Variants in CFAP161 observed in about 807,000 individuals in gnomAD.
The protein encoded by CFAP161 is cilia and flagella associated protein 161, also known as cilia- and flagella-associated protein 161.
CFAP161 carries 25 observed loss-of-function variants against 29.0 expected under a neutral mutation model. That is an observed-to-expected ratio of 0.86 (90% CI 0.63 to 1.20). The LOEUF (loss-of-function observed/expected upper bound fraction) is 1.20. Among genes scored for constraint, CFAP161 ranks in the 50% most tolerant of loss-of-function variants. The pLI, the probability that CFAP161 is intolerant of heterozygous loss-of-function variation, is 0.00. For synonymous variants in CFAP161, 116 were observed against 137.4 expected, an observed-to-expected ratio of 0.84 and a Z score of 1.09; for missense variants, 367 against 371.9, an observed-to-expected ratio of 0.99 and a Z score of 0.11.
intron 1 of CFAP161, among the ~76,000 whole-genome samples, chr15:81,122,023 A>G (rs1001177709): frequency 6.6e-6 from 1 of 152,318 alleles, no homozygotes; most frequent in Admixed American, 6.5e-5. Flanking sequence ...AGCTCCACCC[A>G]TGTCCCTGCA....
intron 4 of CFAP161, among the ~76,000 whole-genome samples, chr15:81,138,998 A>G (rs1894859807): frequency 6.6e-6 from 1 of 152,166 alleles, no homozygotes; most frequent in Non-Finnish European, 1.5e-5. Flanking sequence ...TTTTGATACC[A>G]CTAAGAAAAC....
chr15:81,116,782 T>A (rs965399311), intron 1 of CFAP161, among the ~76,000 whole-genome samples: 27 of 152,154 alleles, frequency 1.8e-4, no homozygotes, highest in Non-Finnish European at 8.8e-5. Flanking sequence ...CTTGTAGGGC[T>A]TTAGGAATAG....
intron 1 of CFAP161, chr15:81,117,681 T>C (rs560199039): frequency 3.5e-6 from 1 of 289,096 alleles, no homozygotes; most frequent in East Asian, 1.2e-4. Context: ...GTTTTCACCT[T>C]TTCCGCTTTC....
chr15:81,132,880 G>A (rs189033070), upstream of CFAP161, among the ~76,000 whole-genome samples: 357 of 152,188 alleles, frequency 2.3e-3, 2 homozygotes, highest in Middle Eastern at 3.4e-3. Context: ...GCTTCTTTGA[G>A]TCTCAGTTTC....
chr15:81,147,829 C>A, intron 5 of CFAP161, 29 bp from the exon 6 acceptor site: 2 of 1,519,518 alleles, frequency 1.3e-6, no homozygotes, highest in Non-Finnish European at 1.8e-6. Context: ...GTTTAGAATG[C>A]TAATAACACA....
Position 81,143,693 on chromosome 15 carries a change from T to G in CFAP161, c.509T>G (p.Leu170Arg). ...LYLSSDHRTL[L>R]KSSKRSWLQE... is the part of the protein sequence containing the mutation. The stretch of plus-strand genomic sequence containing the variant: ...TTGTCAAGTGACCACAGGACCCTCC[T>G]GAAATCGTCTAAGAGGTCTTGGCTC... Residue 170 changes from leucine to arginine, a missense_variant, in exon 5 of 7, where the codon CTG becomes CGG. Leu to Arg is a moderately radical substitution (Grantham distance 102). Coordinates refer to ENST00000286732, the MANE Select transcript of CFAP161 (RefSeq NM_173528.4). 1 of 1,614,012 alleles carries G rather than the reference T, an allele frequency of 6.2e-7. No homozygotes were observed. Among genetic ancestry groups the G allele is most frequent in the African/African-American group, 1.3e-5 (1 of 75,038 alleles).
intron 1 of CFAP161, chr15:81,117,927 AG>A: frequency 2.3e-6 from 1 of 435,180 alleles, no homozygotes; most frequent in Non-Finnish European, 4.3e-6. Flanking sequence ...CATCTGAGTC[AG>A]GGGCTTCCTG....
chr15:81,118,057 T>C, intron 1 of CFAP161: 1 of 511,292 alleles, frequency 2.0e-6, no homozygotes, highest in South Asian at 2.0e-5. Flanking sequence ...TTTTAGACAT[T>C]CCAACTTTTT....
intron 1 of CFAP161, among the ~76,000 whole-genome samples, chr15:81,120,497 A>G (rs2663929): frequency 0.57 from 87,175 of 152,056 alleles, 26,206 homozygotes; most frequent in Non-Finnish European, 0.68. Context: ...GCCAGGCCCA[A>G]TGGTTCCCAC....
intron 1 of CFAP161, among the ~76,000 whole-genome samples, chr15:81,116,438 C>G (rs532222831): frequency 5.3e-4 from 81 of 152,286 alleles, no homozygotes; most frequent in African/African-American, 1.9e-3. Flanking sequence ...GGACTACAGG[C>G]GCACGCCATA....
intron 1 of CFAP161, among the ~76,000 whole-genome samples, chr15:81,121,346 A>C (rs1341209371): frequency 1.3e-5 from 2 of 152,040 alleles, no homozygotes; most frequent in Non-Finnish European, 2.9e-5. Context: ...TTATAACTTT[A>C]CATTTCTATC....
intron 1 of CFAP161, 37 bp downstream of exon 1, chr15:81,134,435 AG>A (rs1295159041): frequency 6.4e-7 from 1 of 1,554,026 alleles, no homozygotes; most frequent in Non-Finnish European, 8.7e-7. Context: ...CCCGCAGCTC[AG>A]GAACTCCCAG....
Position 81,136,551 on chromosome 15 carries a change from T to C in CFAP161, c.195T>C (p.His65=). 1 of 1,614,228 alleles carries C rather than the reference T, an allele frequency of 6.2e-7. No individual in the cohort carries two copies. The highest frequency in any genetic ancestry group is 1.3e-5 in the African/African-American group (1 of 75,060). ...CCGTAACTGAAGATGGCTATATTCA[T>C]TACGGTGACAAAGTGATGCTTGTGA... is the stretch of plus-strand genomic sequence containing the variant. The part of the protein sequence containing the change: ...QLSVTEDGYI[H]YGDKVMLVNP... The change falls in exon 3 of 7, where the codon CAT becomes CAC. Residue 65 remains histidine (H), a synonymous_variant. Transcript: ENST00000286732.
intron 1 of CFAP161, among the ~76,000 whole-genome samples, chr15:81,100,174 G>A (rs1436380108): frequency 6.8e-6 from 1 of 148,094 alleles, no homozygotes; most frequent in Non-Finnish European, 1.5e-5. Flanking sequence ...TTTAATGCTC[G>A]TTACCATACT....
At position 81,112,823 on chromosome 15, in the gene CFAP161, G is replaced by A. The variant is rs1199591270; in HGVS notation, c.-141-14767G>A. ...AAAAAAGAAAACAATAGCAAATTAAGTTTTCTAGTATATAGCTAGTTTATG... is the reference window on the plus strand; with the variant it reads ...AAAAAAGAAAACAATAGCAAATTAAATTTTCTAGTATATAGCTAGTTTATG... On this transcript the variant is annotated intron_variant, in intron 1 of 4. Coordinates refer to the CFAP161 transcript ENST00000560091. Among the ~76,000 whole-genome samples the A allele has an allele frequency of 2.0e-5, 3 of 152,132 alleles. No homozygotes were observed. In the East Asian group the frequency reaches 5.8e-4, roughly 29 times the overall value.
chr15:81,100,313 A>T (rs1161962892), intron 1 of CFAP161, among the ~76,000 whole-genome samples: 2 of 143,498 alleles, frequency 1.4e-5, no homozygotes. Flanking sequence ...ACTGTAATAC[A>T]GTCTTCTATT....
chr15:81,120,833 AAC>A (rs1318997265), intron 1 of CFAP161, among the ~76,000 whole-genome samples: 1 of 152,238 alleles, frequency 6.6e-6, no homozygotes, highest in Non-Finnish European at 1.5e-5. Flanking sequence ...CTGAATGAAA[AAC>A]ACAGCATTTT....
chr15:81,120,050 AAAACTTAAT>A (rs2141868240), intron 1 of CFAP161, among the ~76,000 whole-genome samples: 1 of 152,328 alleles, frequency 6.6e-6, no homozygotes, highest in Admixed American at 6.5e-5. Flanking sequence ...TAAATAATAA[AAAACTTAAT>A]AAAGACAAGG....
intron 1 of CFAP161, chr15:81,127,494 A>G (rs1233315830): frequency 6.6e-6 from 1 of 152,246 alleles, no homozygotes; most frequent in Non-Finnish European, 1.5e-5. Flanking sequence ...ATCTGGAAAA[A>G]AACATTTGTA....
Sources: allele counts gnomAD v4.1 joint callset (sites outside exome capture counted in the v4.1 genomes callset), GRCh38; gene constraint gnomAD v4.1.1; transcripts MANE v1.5; gene names NCBI Gene and HGNC (gene_info 2026-07-23, HGNC 2026-07-21).